The following FHIT variants were observed in gnomAD, a reference collection of about 807,000 sequenced individuals.
FHIT encodes fragile histidine triad diadenosine triphosphatase, also known as bis(5'-adenosyl)-triphosphatase.
Under a neutral mutation model 17.9 loss-of-function variants are expected in FHIT, and 19 were observed. The observed-to-expected ratio is 1.06, with a 90% CI of 0.74 to 1.56. The LOEUF (loss-of-function observed/expected upper bound fraction) is 1.56. Ranked by LOEUF, FHIT falls within the 40% of genes most tolerant of loss-of-function variation. The pLI is 0.00. For missense variants in FHIT, 248 were observed against 189.2 expected (o/e 1.31, Z -1.82); for synonymous variants, 81 against 69.7 (o/e 1.16, Z -0.81).
rs2038631997 is a variant in FHIT, at chr3:61,189,276, T to C, written c.-164+11341A>G. 2.0e-5 allele frequency among the ~76,000 whole-genome samples: 3 copies of C among 152,198 alleles called. No individual in the cohort carries two copies. The South Asian group carries it at 6.2e-4, about 32-fold the overall frequency. On this transcript the variant is annotated intron_variant, in intron 2 of 9. Transcript: ENST00000492590. ...CAACGTGCAAAAATCACAAGCATTC[T>C]TATACACCAATAACAGACAAACAGA...
intron 5 of FHIT, among the ~76,000 whole-genome samples, chr3:60,109,309 G>A (rs1047958555): frequency 6.6e-6 from 1 of 152,144 alleles, no homozygotes; most frequent in African/African-American, 2.4e-5. Flanking sequence ...GAATTTATCA[G>A]CAGAGTTTGT....
At chr3:60,422,621 T>C (rs1702519018) in intron 5 of FHIT, among the ~76,000 whole-genome samples, 2 of 152,160 alleles carry the variant, frequency 1.3e-5, no homozygotes, top group African/African-American at 4.8e-5. Flanking sequence ...AGATTGAAGC[T>C]GGCATGCCTT....
chr3:60,219,294 G>T (rs1703848503), intron 5 of FHIT, among the ~76,000 whole-genome samples: 1 of 152,058 alleles, frequency 6.6e-6, no homozygotes, highest in South Asian at 2.1e-4. Context: ...CTCTTGGAAA[G>T]CTAATGCTGT....
intron 4 of FHIT, among the ~76,000 whole-genome samples, chr3:60,747,375 A>C (rs541999777): frequency 6.6e-6 from 1 of 152,312 alleles, no homozygotes; most frequent in South Asian, 2.1e-4. Flanking sequence ...GCATTCAATC[A>C]TAATTAGATA....
At chr3:60,772,271 G>T (rs1204098141) in intron 4 of FHIT, among the ~76,000 whole-genome samples, 5 of 150,018 alleles carry the variant, frequency 3.3e-5, no homozygotes, top group Non-Finnish European at 7.4e-5. Flanking sequence ...AGATAGAAAT[G>T]AAACATCCAG....
intron 7 of FHIT, among the ~76,000 whole-genome samples, chr3:60,001,810 A>C (rs1416918114): frequency 6.6e-6 from 1 of 152,122 alleles, no homozygotes; most frequent in African/African-American, 2.4e-5. Context: ...TTCCTTGGCC[A>C]AACAGTTTCA....
chr3:60,367,860 A>G (rs992130913), intron 5 of FHIT, among the ~76,000 whole-genome samples: 4 of 152,180 alleles, frequency 2.6e-5, no homozygotes, highest in African/African-American at 7.2e-5. Context: ...TCTGATTTCT[A>G]TCACCAAAAA....
intron 5 of FHIT, among the ~76,000 whole-genome samples, chr3:60,113,186 C>T (rs1052995318): frequency 6.6e-6 from 1 of 152,164 alleles, no homozygotes; most frequent in Non-Finnish European, 1.5e-5. Context: ...TGCTCCTTAT[C>T]TCCTTTCCCT....
At chr3:60,481,199 T>C (rs1281227036) in intron 5 of FHIT, among the ~76,000 whole-genome samples, 2 of 152,108 alleles carry the variant, frequency 1.3e-5, no homozygotes, top group Admixed American at 6.5e-5. Flanking sequence ...CTACAACTGA[T>C]TGGAGTACCT....
chr3:61,238,921 G>A (rs941044087), intron 1 of FHIT, among the ~76,000 whole-genome samples: 1 of 152,170 alleles, frequency 6.6e-6, no homozygotes, highest in Non-Finnish European at 1.5e-5. Flanking sequence ...CCGCATTAGG[G>A]GGCAGAAGTG....
At chr3:59,879,580 T>C (rs568455868) in intron 8 of FHIT, among the ~76,000 whole-genome samples, 1 of 152,262 alleles carries the variant, frequency 6.6e-6, no homozygotes, top group African/African-American at 2.4e-5. Context: ...TGATGCATGT[T>C]ATGACAAAAC....
intron 2 of FHIT, among the ~76,000 whole-genome samples, chr3:61,186,741 T>G (rs2038526006): frequency 6.6e-6 from 1 of 152,190 alleles, no homozygotes; most frequent in African/African-American, 2.4e-5. Flanking sequence ...AGCCTCACCT[T>G]TCATCGTTTT....
intron 5 of FHIT, among the ~76,000 whole-genome samples, chr3:60,471,188 G>T (rs2033072356): frequency 6.6e-6 from 1 of 152,152 alleles, no homozygotes; most frequent in Non-Finnish European, 1.5e-5. Context: ...TAGAGTTAGT[G>T]GGGAGCAGCT....
At chr3:60,235,541 T>G (rs1704738847) in intron 5 of FHIT, among the ~76,000 whole-genome samples, 1 of 152,140 alleles carries the variant, frequency 6.6e-6, no homozygotes, top group South Asian at 2.1e-4. Context: ...ATCTATGCTT[T>G]TAAGTATTGT....
At chr3:60,881,414 C>CTGCATT (rs1395964912) in intron 3 of FHIT, among the ~76,000 whole-genome samples, 1 of 152,202 alleles carries the variant, frequency 6.6e-6, no homozygotes, top group Admixed American at 6.5e-5. Flanking sequence ...TGAGTTTATA[C>CTGCATT]TGCATTTTAG....
chr3:60,711,550 C>A (rs2041532662), intron 4 of FHIT, among the ~76,000 whole-genome samples: 1 of 152,132 alleles, frequency 6.6e-6, no homozygotes, highest in Non-Finnish European at 1.5e-5. Context: ...AAATGTATAA[C>A]TAGAATAACC....
chr3:60,742,391 G>T (rs1434550277), intron 4 of FHIT, among the ~76,000 whole-genome samples: 1 of 152,164 alleles, frequency 6.6e-6, no homozygotes, highest in Non-Finnish European at 1.5e-5. Context: ...AGCAGGGGAA[G>T]AGCATGTTCA....
At chr3:60,010,949 T>A (rs1236889814) in intron 7 of FHIT, among the ~76,000 whole-genome samples, 1 of 152,104 alleles carries the variant, frequency 6.6e-6, no homozygotes, top group African/African-American at 2.4e-5. Flanking sequence ...GCTGCGGTTA[T>A]TGCTTCACTC....
chr3:60,836,141 C>T (rs1575582925), intron 3 of FHIT, among the ~76,000 whole-genome samples: 4 of 152,238 alleles, frequency 2.6e-5, no homozygotes, highest in East Asian at 1.9e-4. Flanking sequence ...GACTCCATTT[C>T]GTCGTGGTAT....
Sources: allele counts gnomAD v4.1 joint callset (sites outside exome capture counted in the v4.1 genomes callset), GRCh38; gene constraint gnomAD v4.1.1; transcripts MANE v1.5; gene names NCBI Gene and HGNC (gene_info 2026-07-23, HGNC 2026-07-21).